LIMCH1: variants seen among roughly 807,000 people sequenced by gnomAD.
The protein encoded by LIMCH1 is LIM and calponin homology domains 1, also known as LIM and calponin homology domains-containing protein 1.
Under a neutral mutation model 176.5 loss-of-function variants are expected in LIMCH1, and 113 were observed. That is an observed-to-expected ratio of 0.64 (90% CI 0.55 to 0.75). LIMCH1 has a LOEUF of 0.75. LIMCH1 is among the 30% of genes least tolerant of loss of function. LIMCH1 has a pLI of 0.00. For synonymous variants in LIMCH1, 619 were observed against 645.9 expected, an observed-to-expected ratio of 0.96 and a Z score of 0.63; for missense variants, 1,674 against 1,814.9, an observed-to-expected ratio of 0.92 and a Z score of 1.41.
intron 2 of LIMCH1, among the ~76,000 whole-genome samples, chr4:41,511,073 C>A (rs4552507): frequency 0.098 from 14,952 of 152,150 alleles, 860 homozygotes; most frequent in South Asian, 0.23. Flanking sequence ...ATGGCTTCAT[C>A]GTGACTGGTG....
chr4:41,378,901 T>C (rs2055201186), intron 1 of LIMCH1, among the ~76,000 whole-genome samples: 2 of 152,160 alleles, frequency 1.3e-5, no homozygotes, highest in African/African-American at 4.8e-5. Flanking sequence ...ATTTATTATA[T>C]AACAATGAGA....
In LIMCH1 at chr4:41,452,724, C is replaced by T. The variant is rs554903334; in HGVS notation, c.97-41812C>T. Among the ~76,000 whole-genome samples, 3 of 152,334 alleles carry T rather than the reference C, an allele frequency of 2.0e-5. No homozygotes were observed. In the South Asian group the frequency reaches 6.2e-4, roughly 32 times the overall value. ...CTTCTGCACCGCAAGGCCAGTTTCA[C>T]ATGCCAAATCTTCTGCAAAGCCTTC... On this transcript the variant is annotated intron_variant, in intron 1 of 26. Coordinates refer to the LIMCH1 transcript ENST00000313860.
intron 1 of LIMCH1, among the ~76,000 whole-genome samples, chr4:41,552,953 A>G (rs2080700559): frequency 6.6e-6 from 1 of 152,164 alleles, no homozygotes; most frequent in Non-Finnish European, 1.5e-5. Context: ...TAAAAGTGCA[A>G]AGTGCTTATG....
intron 1 of LIMCH1, among the ~76,000 whole-genome samples, chr4:41,579,839 A>G (rs558892061): frequency 4.6e-5 from 7 of 152,196 alleles, no homozygotes; most frequent in South Asian, 4.2e-4. Context: ...TTGTTTCTCA[A>G]TGCTTCATGG....
chr4:41,646,533 C>G lies in LIMCH1; in HGVS notation c.2460C>G (p.Ser820=), dbSNP rs61743760. 5,809 of 1,613,996 alleles carry G rather than the reference C, an allele frequency of 3.6e-3. 164 individuals carry two copies. In the African/African-American group the frequency reaches 0.066, roughly 18 times the overall value. The part of the protein sequence containing the change: ...ELHEAYKNAR[S]QEEAEGILQQ... ...ATGAAGCATATAAGAACGCTCGGTC[C>G]CAGGAGGAGGCAGAGGGGATCCTTC... is the stretch of plus-strand genomic sequence containing the variant. The change falls in exon 17 of 32, where the codon TCC becomes TCG. Residue 820 remains serine, a synonymous_variant. Transcript: ENST00000503057.
chr4:41,522,906 A>G (rs1267911969), intron 2 of LIMCH1, among the ~76,000 whole-genome samples: 1 of 152,214 alleles, frequency 6.6e-6, no homozygotes, highest in Admixed American at 6.5e-5. Context: ...GTTAAAAAAT[A>G]AGTGCATTCA....
At chr4:41,583,347 C>T (rs1288612382) in intron 1 of LIMCH1, among the ~76,000 whole-genome samples, 8 of 152,180 alleles carry the variant, frequency 5.3e-5, no homozygotes, top group Non-Finnish European at 8.8e-5. Context: ...CTCTTCCCCC[C>T]TCCATGGTGA....
Position 41,646,300 on chromosome 4 carries a change from G to A in LIMCH1, c.2411+20G>A, listed in dbSNP as rs557595393. The stretch of plus-strand genomic sequence containing the variant: ...AGAAAAGTGAGTTCTTTCTGTTGTC[G>A]TTTTTAATGTACAATATTATCTAGG... On this transcript the variant is annotated intron_variant, in intron 16 of 31. Transcript: ENST00000503057. 123 of 1,591,038 alleles carry A rather than the reference G, an allele frequency of 7.7e-5. 1 individual carries two copies. The South Asian group carries it at 1.2e-3, about 15-fold the overall frequency.
chr4:41,529,549 G>T (rs2077037053), intron 3 of LIMCH1, among the ~76,000 whole-genome samples: 1 of 152,184 alleles, frequency 6.6e-6, no homozygotes, highest in African/African-American at 2.4e-5. Flanking sequence ...TGCAGATGAG[G>T]ACATGTGGGT....
At chr4:41,469,166 G>A (rs1173806275) in intron 1 of LIMCH1, among the ~76,000 whole-genome samples, 1 of 152,104 alleles carries the variant, frequency 6.6e-6, no homozygotes, top group Non-Finnish European at 1.5e-5. Context: ...CCTGGTAGCC[G>A]GACACTGATG....
intron 1 of LIMCH1, among the ~76,000 whole-genome samples, chr4:41,374,801 C>T (rs1242838935): frequency 6.6e-6 from 1 of 152,000 alleles, no homozygotes; most frequent in Non-Finnish European, 1.5e-5. Flanking sequence ...ATAGGGCCTC[C>T]ACACCTGCCC....
chr4:41,410,425 G>T (rs976659277), intron 1 of LIMCH1, among the ~76,000 whole-genome samples: 1 of 152,164 alleles, frequency 6.6e-6, no homozygotes, highest in African/African-American at 2.4e-5. Flanking sequence ...GTTCCATTAA[G>T]GCTTATGTCA....
At chr4:41,524,839 G>C (rs1300283710) in intron 3 of LIMCH1, among the ~76,000 whole-genome samples, 1 of 152,116 alleles carries the variant, frequency 6.6e-6, no homozygotes, top group African/African-American at 2.4e-5. Context: ...GGGTAGGGGA[G>C]GTAGAGAGAA....
At chr4:41,384,786 C>T (rs536682868) in intron 1 of LIMCH1, among the ~76,000 whole-genome samples, 1 of 152,106 alleles carries the variant, frequency 6.6e-6, no homozygotes, top group Non-Finnish European at 1.5e-5. Context: ...GTAAGTACAG[C>T]GTTGTCTTCA....
At chr4:41,661,858 A>C in intron 19 of LIMCH1, 1 of 382,666 alleles carries the variant, frequency 2.6e-6, no homozygotes, top group South Asian at 2.2e-5. Flanking sequence ...GATAAGCGAG[A>C]GGTCAAAAAC....
intron 18 of LIMCH1, among the ~76,000 whole-genome samples, chr4:41,655,050 A>G (rs1169664776): frequency 6.6e-6 from 1 of 152,134 alleles, no homozygotes; most frequent in Non-Finnish European, 1.5e-5. Flanking sequence ...AATATATCCT[A>G]TGTTTAGTGG....
At chr4:41,426,136 C>G (rs11944857) in intron 1 of LIMCH1, among the ~76,000 whole-genome samples, 4,773 of 149,734 alleles carry the variant, frequency 0.032, 221 homozygotes, top group African/African-American at 0.11. Context: ...ATTCTCCTGC[C>G]TCAGCCTCCC....
intron 25 of LIMCH1, among the ~76,000 whole-genome samples, chr4:41,681,284 GCAAGATCTATCCCAGTAGT>G (rs1292658384): frequency 1.3e-5 from 2 of 152,062 alleles, no homozygotes; most frequent in Admixed American, 1.3e-4. Flanking sequence ...CATTACCCCA[GCAAGATCTATCCCAGTAGT>G]CTGGAAGCCA....
intron 13 of LIMCH1, among the ~76,000 whole-genome samples, chr4:41,636,576 C>G (rs1049609840): frequency 6.6e-6 from 1 of 152,002 alleles, no homozygotes; most frequent in African/African-American, 2.4e-5. Context: ...CTATTCTTTT[C>G]TCTTCAATTT....
Sources: allele counts gnomAD v4.1 joint callset (sites outside exome capture counted in the v4.1 genomes callset), GRCh38; gene constraint gnomAD v4.1.1; transcripts MANE v1.5; gene names NCBI Gene and HGNC (gene_info 2026-07-23, HGNC 2026-07-21).